The following DGKI variants were observed in gnomAD, a reference collection of about 807,000 sequenced individuals.
DGKI encodes the protein diacylglycerol kinase iota, also known as DAG kinase iota.
DGKI carries 55 observed loss-of-function variants against 147.5 expected under a neutral mutation model. The observed-to-expected ratio is 0.37, with a 90% CI of 0.30 to 0.47. DGKI has a LOEUF of 0.47. Ranked by LOEUF, DGKI falls within the 20% of genes least tolerant of loss-of-function variation. DGKI has a pLI of 1.00. For missense variants in DGKI, 1,007 were observed against 1,323.8 expected, an observed-to-expected ratio of 0.76 and a Z score of 3.71; for synonymous variants, 469 against 477.1, an observed-to-expected ratio of 0.98 and a Z score of 0.22.
chr7:137,400,736 C>A (rs1811722642), intron 30 of DGKI, among the ~76,000 whole-genome samples: 2 of 151,988 alleles, frequency 1.3e-5, no homozygotes, highest in African/African-American at 2.4e-5. Flanking sequence ...GAAACTTTTG[C>A]TCATAATTAA....
intron 21 of DGKI, among the ~76,000 whole-genome samples, chr7:137,506,897 T>G (rs748355387): frequency 6.6e-6 from 1 of 152,200 alleles, no homozygotes; most frequent in Non-Finnish European, 1.5e-5. Context: ...TATGGGAGGA[T>G]GTAAAGACAA....
intron 23 of DGKI, among the ~76,000 whole-genome samples, chr7:137,483,797 T>C (rs778197698): frequency 6.6e-6 from 1 of 152,154 alleles, no homozygotes; most frequent in Non-Finnish European, 1.5e-5. Context: ...TATGGCTGCA[T>C]AGTATTCCAT....
At chr7:137,653,246 A>C (rs1397675724) in intron 5 of DGKI, among the ~76,000 whole-genome samples, 5 of 152,162 alleles carry the variant, frequency 3.3e-5, no homozygotes, top group Admixed American at 2.6e-4. Context: ...GTTTCCTTCA[A>C]ACTCATATCT....
chr7:137,578,230 A>G (rs1395286569), intron 16 of DGKI, 40 bp downstream of exon 16: 2 of 1,420,864 alleles, frequency 1.4e-6, no homozygotes, highest in East Asian at 4.6e-5. Context: ...AATTGGCAAT[A>G]AGTAATATGT....
In DGKI at chr7:137,770,556, C is replaced by T. The variant is rs1362412635; in HGVS notation, c.401+75906G>A. Among the ~76,000 whole-genome samples the T allele has an allele frequency of 9.4e-5, 9 of 95,498 alleles. 3 individuals carry two copies. The highest frequency in any genetic ancestry group is 4.1e-4 in the African/African-American group (5 of 12,218). The allele number at this position is 95,498 out of a possible 152,430, so 62.7% of individuals were successfully genotyped here. On this transcript the variant is annotated intron_variant, in intron 1 of 32. Coordinates refer to ENST00000614521, the MANE Select transcript of DGKI (RefSeq NM_001321708.2). Reference sequence around the variant, plus strand: ...TGGGTTTTTTTTTTTTTTTTTGAGACGGAGTCTCGCTCTGTCGCCCAGGCT... The same window carrying T: ...TGGGTTTTTTTTTTTTTTTTTGAGATGGAGTCTCGCTCTGTCGCCCAGGCT...
chr7:137,747,772 T>C (rs1233100666), intron 1 of DGKI, among the ~76,000 whole-genome samples: 1 of 152,198 alleles, frequency 6.6e-6, no homozygotes, highest in African/African-American at 2.4e-5. Context: ...ATTAAAGATC[T>C]GTTTAGATGG....
chr7:137,584,914 C>G (rs564396906), intron 14 of DGKI, among the ~76,000 whole-genome samples: 2 of 152,242 alleles, frequency 1.3e-5, no homozygotes, highest in African/African-American at 2.4e-5. Flanking sequence ...AGGTTATTTG[C>G]TATTAACATG....
chr7:137,465,878 A>T (rs1308950459), intron 26 of DGKI, 30 bp downstream of exon 26: 1 of 1,608,550 alleles, frequency 6.2e-7, no homozygotes, highest in Non-Finnish European at 8.5e-7. Flanking sequence ...CCCTAAGGCC[A>T]GCCTCACAGG....
intron 2 of DGKI, among the ~76,000 whole-genome samples, chr7:137,686,981 T>A (rs906926451): frequency 7.9e-5 from 12 of 152,228 alleles, no homozygotes; most frequent in African/African-American, 1.2e-4. Context: ...TTTTTTAATC[T>A]TTTTCCTTAC....
intron 23 of DGKI, among the ~76,000 whole-genome samples, chr7:137,472,345 T>TATTATATGTATATATACATAA (rs1563040195): frequency 1.5e-4 from 8 of 54,150 alleles, no homozygotes; most frequent in African/African-American, 3.1e-4. Flanking sequence ...ATACATATAA[T>TATTATATGTATATATACATAA]TATTATATGT....
intron 1 of DGKI, chr7:137,771,633 G>T (rs1796199529): frequency 6.6e-6 from 1 of 152,150 alleles, no homozygotes. Flanking sequence ...TTATTTCAAT[G>T]ATATTTAAAA....
At chr7:137,624,883 G>GGCTCCCAAAGT (rs753991516) in intron 6 of DGKI, among the ~76,000 whole-genome samples, 287 of 152,106 alleles carry the variant, frequency 1.9e-3, no homozygotes, top group Non-Finnish European at 3.2e-3. Flanking sequence ...TAGGATTATA[G>GGCTCCCAAAGT]GCGTGAGCCA....
intron 20 of DGKI, among the ~76,000 whole-genome samples, chr7:137,545,743 C>T (rs1164994074): frequency 6.6e-6 from 1 of 152,164 alleles, no homozygotes; most frequent in East Asian, 1.9e-4. Context: ...AACTTCACAG[C>T]TCCATTTCAA....
chr7:137,581,450 T>C (rs184697743), intron 15 of DGKI, among the ~76,000 whole-genome samples: 1 of 152,252 alleles, frequency 6.6e-6, no homozygotes, highest in Admixed American at 6.5e-5. Flanking sequence ...TTGTGTAGTA[T>C]TGCACTTTAA....
In DGKI at chr7:137,577,283, G is replaced by T; in HGVS notation, c.1700C>A (p.Ala567Glu). 1 of 1,594,858 alleles carries T rather than the reference G, an allele frequency of 6.3e-7. No homozygotes were observed. Among genetic ancestry groups the T allele is most frequent in the Non-Finnish European group, 8.6e-7 (1 of 1,166,748 alleles). ...TCTCTGTAGGAAGTCAGAAAAAGCT[G>T]CCTATACCACAGGGAAATAAAGAAG... ...RFRNKMFYAG[A>E]AFSDFLQRSS... The change falls in exon 17 of 33, where the codon GCA (alanine) becomes GAA (glutamate). Residue 567 changes from alanine to glutamate, a missense_variant and splice_region_variant. Physicochemically the swap from Ala to Glu is moderately radical, Grantham distance 107. Coordinates refer to ENST00000614521, the MANE Select transcript of DGKI (RefSeq NM_001321708.2).
At chr7:137,663,036 A>C (rs887194373) in intron 3 of DGKI, among the ~76,000 whole-genome samples, 2 of 152,222 alleles carry the variant, frequency 1.3e-5, no homozygotes, top group African/African-American at 4.8e-5. Flanking sequence ...GGGTATCTGG[A>C]ATCATGATGG....
intron 2 of DGKI, among the ~76,000 whole-genome samples, chr7:137,682,512 A>G (rs1332347065): frequency 6.6e-6 from 1 of 152,190 alleles, no homozygotes; most frequent in Non-Finnish European, 1.5e-5. Context: ...AGAAGTTAAT[A>G]GATGTTCATT....
At chr7:137,746,785 G>A (rs1465365582) in intron 1 of DGKI, among the ~76,000 whole-genome samples, 4 of 151,956 alleles carry the variant, frequency 2.6e-5, no homozygotes, top group African/African-American at 9.7e-5. Context: ...GGTTTGGCTG[G>A]CTTTATCCTC....
At chr7:137,634,992 T>C (rs1457350486) in intron 6 of DGKI, among the ~76,000 whole-genome samples, 1 of 152,118 alleles carries the variant, frequency 6.6e-6, no homozygotes, top group Non-Finnish European at 1.5e-5. Flanking sequence ...GCCAGGGCCC[T>C]GGAGGGAAAC....
Sources: allele counts gnomAD v4.1 joint callset (sites outside exome capture counted in the v4.1 genomes callset), GRCh38; gene constraint gnomAD v4.1.1; transcripts MANE v1.5; gene names NCBI Gene and HGNC (gene_info 2026-07-23, HGNC 2026-07-21).